Variants in PTK2 observed in about 807,000 individuals in gnomAD.
PTK2 encodes focal adhesion kinase 1.
PTK2 carries 45 observed loss-of-function variants against 150.1 expected under a neutral mutation model. The observed-to-expected ratio is 0.30, with a 90% CI of 0.24 to 0.38. The LOEUF is 0.38. Among genes scored for constraint, PTK2 ranks in the 10% least tolerant of loss-of-function variants. The pLI, the probability that PTK2 is intolerant of heterozygous loss-of-function variation, is 1.00. For synonymous variants in PTK2, 432 were observed against 449.2 expected, an observed-to-expected ratio of 0.96 and a Z score of 0.48; for missense variants, 919 against 1,307.3, an observed-to-expected ratio of 0.70 and a Z score of 4.58.
At chr8:140,979,712 C>T (rs577966551) in intron 1 of PTK2, among the ~76,000 whole-genome samples, 3 of 152,076 alleles carry the variant, frequency 2.0e-5, no homozygotes, top group Admixed American at 6.5e-5. Flanking sequence ...AATCATAAGG[C>T]GGGCTCTTTC....
intron 14 of PTK2, among the ~76,000 whole-genome samples, chr8:140,779,278 A>G (rs2100080317): frequency 6.6e-6 from 1 of 151,112 alleles, no homozygotes; most frequent in Non-Finnish European, 1.5e-5. Flanking sequence ...AAAAAAGAAG[A>G]CATGCTGGAG....
chr8:140,866,225 T>C (rs1264627370), intron 4 of PTK2, among the ~76,000 whole-genome samples: 1 of 152,238 alleles, frequency 6.6e-6, no homozygotes, highest in Non-Finnish European at 1.5e-5. Context: ...CCAAGGAGGC[T>C]TTTGGTATTA....
intron 17 of PTK2, among the ~76,000 whole-genome samples, chr8:140,747,802 A>C (rs1250745582): frequency 2.0e-5 from 3 of 149,896 alleles, no homozygotes. Flanking sequence ...AGGGAGGAGG[A>C]GGAAGTGAAG....
chr8:140,943,374 C>T (rs1438237085), intron 1 of PTK2, among the ~76,000 whole-genome samples: 3 of 152,194 alleles, frequency 2.0e-5, no homozygotes, highest in Admixed American at 6.5e-5. Context: ...TAGTAGACTG[C>T]TTTGAAGATC....
chr8:140,722,598 G>A (rs950063097), intron 22 of PTK2, among the ~76,000 whole-genome samples: 4 of 152,112 alleles, frequency 2.6e-5, no homozygotes, highest in Non-Finnish European at 5.9e-5. Context: ...AACAGGAAAG[G>A]ACCTGCGAAT....
chr8:140,691,634 G>A (rs937368361), intron 26 of PTK2, among the ~76,000 whole-genome samples: 1 of 152,174 alleles, frequency 6.6e-6, no homozygotes, highest in Non-Finnish European at 1.5e-5. Context: ...AACAGGTGGA[G>A]GAAATGAATG....
rs78206392 is a variant in PTK2 at position 140,849,445 on chromosome 8, A to G, written c.451-2767T>C. Among the ~76,000 whole-genome samples, 607 of 152,306 alleles carry G rather than the reference A, an allele frequency of 4.0e-3. 5 individuals carry two copies. The highest frequency in any genetic ancestry group is 0.014 in the African/African-American group (582 of 41,568). On this transcript the variant is annotated intron_variant, in intron 5 of 31. Coordinates refer to ENST00000522684, the Ensembl canonical transcript of PTK2. ...ATCCCTTATAAAACACTTCTTGACCACCTGTCTTCCACTAACTCCCAGCAG... is the reference window on the plus strand; with the variant it reads ...ATCCCTTATAAAACACTTCTTGACCGCCTGTCTTCCACTAACTCCCAGCAG...
At chr8:140,819,249 T>C (rs1464261895) in intron 8 of PTK2, among the ~76,000 whole-genome samples, 1 of 152,220 alleles carries the variant, frequency 6.6e-6, no homozygotes, top group African/African-American at 2.4e-5. Flanking sequence ...CATTTTTAAC[T>C]GTAAAGTTCA....
chr8:140,994,378 A>G (rs1318830700), intron 1 of PTK2, among the ~76,000 whole-genome samples: 4 of 152,270 alleles, frequency 2.6e-5, no homozygotes, highest in African/African-American at 2.4e-5. Context: ...GCAACCCTGC[A>G]TCGAGCAAGT....
chr8:140,708,838 T>C (rs1240608634), intron 23 of PTK2, among the ~76,000 whole-genome samples: 1 of 152,096 alleles, frequency 6.6e-6, no homozygotes, highest in African/African-American at 2.4e-5. Flanking sequence ...GCATTAATGA[T>C]GGTTGCAGGG....
chr8:140,845,171 A>G (rs761868922), intron 7 of PTK2, among the ~76,000 whole-genome samples: 22 of 152,092 alleles, frequency 1.4e-4, no homozygotes, highest in Non-Finnish European at 2.1e-4. Context: ...CTAATCTCAC[A>G]AATATGGAAT....
At chr8:140,712,519 G>A (rs1399233666) in intron 23 of PTK2, among the ~76,000 whole-genome samples, 1 of 152,060 alleles carries the variant, frequency 6.6e-6, no homozygotes, top group African/African-American at 2.4e-5. Context: ...AATTTACAAT[G>A]GTATCATCTG....
chr8:140,879,506 C>T, exon 4 of PTK2: 1 of 1,613,352 alleles, frequency 6.2e-7, no homozygotes, highest in Non-Finnish European at 8.5e-7. Context: ...GCTCATACTT[C>T]TCCCTCACAC....
intron 4 of PTK2, among the ~76,000 whole-genome samples, chr8:140,864,994 T>A (rs762096843): frequency 6.6e-6 from 1 of 152,190 alleles, no homozygotes. Flanking sequence ...TCAAACAGCA[T>A]GCCAAAGAGG....
chr8:140,774,459 G>A (rs1208909169), intron 14 of PTK2, among the ~76,000 whole-genome samples: 1 of 152,138 alleles, frequency 6.6e-6, no homozygotes, highest in Non-Finnish European at 1.5e-5. Context: ...ATTGGTGTTG[G>A]GTCACCCATC....
chr8:140,761,726 T>C (rs2100069543), intron 15 of PTK2, among the ~76,000 whole-genome samples: 1 of 152,100 alleles, frequency 6.6e-6, no homozygotes, highest in African/African-American at 2.4e-5. Flanking sequence ...ATAAGTAAAC[T>C]TTATGTTTTG....
intron 7 of PTK2, among the ~76,000 whole-genome samples, chr8:140,844,769 C>CT (rs564902749): frequency 8.5e-4 from 130 of 152,208 alleles, no homozygotes; most frequent in African/African-American, 2.7e-3. Flanking sequence ...CCATAAGAGA[C>CT]TTTTTTTAAT....
rs555576471 is a variant in PTK2 at position 140,938,088 on chromosome 8, A to C, written c.-121-12339T>G. 1.4e-3 allele frequency among the ~76,000 whole-genome samples: 207 copies of C among 152,330 alleles called. 1 individual carries two copies. The highest frequency in any genetic ancestry group is 2.3e-3 in the Non-Finnish European group (157 of 68,032). On this transcript the variant is annotated intron_variant, in intron 1 of 31. Coordinates refer to ENST00000522684, the Ensembl canonical transcript of PTK2. ...CCTCTTCACATCTAACACAATTCAC[A>C]GTACAAAATCGAGAGTATCTTTGTC... is the stretch of plus-strand genomic sequence containing the variant.
intron 8 of PTK2, among the ~76,000 whole-genome samples, chr8:140,819,931 A>G (rs955146469): frequency 6.6e-6 from 1 of 151,926 alleles, no homozygotes; most frequent in African/African-American, 2.4e-5. Context: ...GCAGTCTGAG[A>G]AGGCCATGGA....
Sources: gnomAD v4.1 joint callset for allele counts (sites outside exome capture counted in the v4.1 genomes callset) on GRCh38, gnomAD v4.1.1 for gene constraint, MANE v1.5 for transcripts, NCBI Gene and HGNC (gene_info 2026-07-23, HGNC 2026-07-21) for gene names.